Variants in FAF1 observed in about 807,000 individuals in gnomAD.
FAF1 encodes FAS-associated factor 1.
FAF1 carries 25 observed loss-of-function variants against 92.5 expected under a neutral mutation model. The observed-to-expected ratio is 0.27, with a 90% CI of 0.20 to 0.38. FAF1 has a LOEUF of 0.38. Ranked by LOEUF, FAF1 falls within the 10% of genes least tolerant of loss-of-function variation. The pLI, the probability that FAF1 is intolerant of heterozygous loss-of-function variation, is 1.00. For synonymous variants in FAF1, 234 were observed against 273.2 expected (o/e 0.86, Z 1.42); for missense variants, 636 against 793.3 (o/e 0.80, Z 2.38).
intron 6 of FAF1, among the ~76,000 whole-genome samples, chr1:50,718,122 C>T (rs1350743358): frequency 2.6e-5 from 4 of 152,114 alleles, no homozygotes; most frequent in South Asian, 2.1e-4. Flanking sequence ...CGAGTTCAAG[C>T]GATTCTCCTG....
chr1:50,714,297 G>A (rs535064701), intron 6 of FAF1, among the ~76,000 whole-genome samples: 14 of 148,868 alleles, frequency 9.4e-5, no homozygotes, highest in Admixed American at 4.0e-4. Context: ...GAGGTCAGAC[G>A]TTCAAAACCA....
At chr1:50,642,067 G>GT (rs1654359398) in intron 8 of FAF1, among the ~76,000 whole-genome samples, 2 of 152,074 alleles carry the variant, frequency 1.3e-5, no homozygotes, top group South Asian at 4.1e-4. Flanking sequence ...ACCAGGCATG[G>GT]TGGCGGGTGC....
intron 18 of FAF1, among the ~76,000 whole-genome samples, chr1:50,453,990 G>C (rs373871776): frequency 6.6e-6 from 1 of 152,230 alleles, no homozygotes; most frequent in Non-Finnish European, 1.5e-5. Context: ...TGTCCTCTGA[G>C]ATTCCTTGTC....
intron 4 of FAF1, among the ~76,000 whole-genome samples, chr1:50,782,240 A>C (rs1661205014): frequency 6.6e-6 from 1 of 152,032 alleles, no homozygotes; most frequent in South Asian, 2.1e-4. Flanking sequence ...AAGTATTCTA[A>C]AGGTATCATT....
In FAF1 at chr1:50,527,811, GTC is replaced by G. The variant is rs9326017; in HGVS notation, c.1494+7556_1494+7557del. 6.2e-3 allele frequency among the ~76,000 whole-genome samples: 470 copies of G among 75,280 alleles called. 4 individuals are homozygous for G. The highest frequency in any genetic ancestry group is 0.019 in the African/African-American group (297 of 15,606). 49.4% of individuals were successfully genotyped at this position (75,280 alleles called of 152,430 possible). On this transcript the variant is annotated intron_variant, in intron 15 of 18. Coordinates refer to ENST00000396153, the MANE Select transcript of FAF1 (RefSeq NM_007051.3). ...ATTTAACCCAAGAACTTACTCTGCTGTCTCTCTCTCTCTCTCTCTCTCTCTCT... is the reference window on the plus strand; with the variant it reads ...ATTTAACCCAAGAACTTACTCTGCTGTCTCTCTCTCTCTCTCTCTCTCTCT...
At chr1:50,948,048 G>A (rs1402399823) in intron 1 of FAF1, among the ~76,000 whole-genome samples, 1 of 152,024 alleles carries the variant, frequency 6.6e-6, no homozygotes, top group Non-Finnish European at 1.5e-5. Flanking sequence ...TCTAACATAA[G>A]ACTCAAAAGA....
chr1:50,928,510 G>A lies in FAF1; in HGVS notation c.45+31257C>T, dbSNP rs547386682. Among the ~76,000 whole-genome samples the A allele has an allele frequency of 2.2e-4, 33 of 151,258 alleles. 2 individuals are homozygous for A. The South Asian group carries it at 6.1e-3, about 28-fold the overall frequency. Reference sequence around the variant, plus strand: ...TAAAAACTGAGGAAGGCGGCCAGGCGCAGTGGCTCATGCCTGTAATCCCAG... The same window carrying A: ...TAAAAACTGAGGAAGGCGGCCAGGCACAGTGGCTCATGCCTGTAATCCCAG... On this transcript the variant is annotated intron_variant, in intron 1 of 18. Coordinates refer to ENST00000396153, the MANE Select transcript of FAF1 (RefSeq NM_007051.3).
At chr1:50,949,641 A>T (rs1306348391) in intron 1 of FAF1, among the ~76,000 whole-genome samples, 1 of 152,258 alleles carries the variant, frequency 6.6e-6, no homozygotes, top group Non-Finnish European at 1.5e-5. Flanking sequence ...GACAACATGT[A>T]AACATACGTG....
intron 1 of FAF1, among the ~76,000 whole-genome samples, chr1:50,948,473 G>A (rs553546809): frequency 1.8e-4 from 27 of 152,200 alleles, no homozygotes; most frequent in Non-Finnish European, 3.5e-4. Context: ...GCAAGAGAGG[G>A]AGCCAGACAG....
At chr1:50,759,421 G>A (rs974456525) in intron 4 of FAF1, among the ~76,000 whole-genome samples, 2 of 150,542 alleles carry the variant, frequency 1.3e-5, no homozygotes, top group African/African-American at 2.4e-5. Flanking sequence ...TTGTTCTTGT[G>A]ATAGTTTACT....
rs1224443813 is a variant in FAF1, at chr1:50,655,280, C to A, written c.744+162G>T. ...CAGGTGATCCACACGCCTCAGCCTC[C>A]CAAAGTGCTGGGATTACAGGCATGA... On this transcript the variant is annotated intron_variant, in intron 8 of 18. Transcript: ENST00000396153. 2.0e-5 allele frequency among the ~76,000 whole-genome samples: 3 copies of A among 152,158 alleles called. No homozygotes were observed. The East Asian group carries it at 5.8e-4, about 29-fold the overall frequency.
intron 2 of FAF1, among the ~76,000 whole-genome samples, chr1:50,835,363 T>C (rs1480044859): frequency 6.6e-6 from 1 of 152,148 alleles, no homozygotes; most frequent in Non-Finnish European, 1.5e-5. Flanking sequence ...AATTTGCTTA[T>C]GTACATTGTA....
chr1:50,927,579 TAA>T (rs1428562894), intron 1 of FAF1, among the ~76,000 whole-genome samples: 1 of 152,140 alleles, frequency 6.6e-6, no homozygotes, highest in Non-Finnish European at 1.5e-5. Flanking sequence ...TTCATATACA[TAA>T]AGTTTTAAAA....
chr1:50,819,740 C>CGTATATATATACACATATATATATACGT (rs3062921), intron 2 of FAF1, among the ~76,000 whole-genome samples: 2 of 28,012 alleles, frequency 7.1e-5, no homozygotes, highest in South Asian at 1.1e-3. Flanking sequence ...CATATATATA[C>CGTATATATATACACATATATATATACGT]ATATATATAT....
At chr1:50,685,643 A>T (rs948684338) in intron 7 of FAF1, among the ~76,000 whole-genome samples, 2 of 152,220 alleles carry the variant, frequency 1.3e-5, no homozygotes, top group Non-Finnish European at 2.9e-5. Flanking sequence ...CACAGCCAGG[A>T]GATGCCATTT....
chr1:50,930,618 G>A (rs541121604), intron 1 of FAF1, among the ~76,000 whole-genome samples: 36 of 152,216 alleles, frequency 2.4e-4, no homozygotes, highest in African/African-American at 6.5e-4. Context: ...GGTGGATCAC[G>A]AGGTCAGGAG....
At chr1:50,619,844 G>A (rs1035960650) in intron 8 of FAF1, among the ~76,000 whole-genome samples, 8 of 151,258 alleles carry the variant, frequency 5.3e-5, no homozygotes, top group Non-Finnish European at 1.2e-4. Context: ...TATTTTCCAA[G>A]TTGCTTATTC....
intron 13 of FAF1, among the ~76,000 whole-genome samples, chr1:50,558,977 G>A (rs571543786): frequency 3.9e-5 from 6 of 152,286 alleles, no homozygotes; most frequent in African/African-American, 9.6e-5. Flanking sequence ...TTGGCCGGAC[G>A]AGGAGGCTCA....
At chr1:50,865,647 A>T (rs1317734899) in intron 1 of FAF1, among the ~76,000 whole-genome samples, 1 of 125,006 alleles carries the variant, frequency 8.0e-6, no homozygotes, top group South Asian at 2.9e-4. Flanking sequence ...ATGAGAACAC[A>T]TGGACACAGG....
Sources: gnomAD v4.1 joint callset for allele counts (sites outside exome capture counted in the v4.1 genomes callset) on GRCh38, gnomAD v4.1.1 for gene constraint, MANE v1.5 for transcripts, NCBI Gene and HGNC (gene_info 2026-07-23, HGNC 2026-07-21) for gene names.